CAP2: variants seen among roughly 807,000 people sequenced by gnomAD.
CAP2 encodes the protein adenylyl cyclase-associated protein 2.
CAP2 carries 24 observed loss-of-function variants against 57.7 expected under a neutral mutation model. That is an observed-to-expected ratio of 0.42 (90% CI 0.30 to 0.58). CAP2 has a LOEUF of 0.58. Among genes scored for constraint, CAP2 ranks in the 20% least tolerant of loss-of-function variants. CAP2 has a pLI of 0.22. For synonymous variants in CAP2, 194 were observed against 207.2 expected (o/e 0.94, Z 0.55); for missense variants, 501 against 590.3 (o/e 0.85, Z 1.57).
chr6:17,487,073 C>T (rs889974744), intron 4 of CAP2, among the ~76,000 whole-genome samples: 10 of 152,238 alleles, frequency 6.6e-5, no homozygotes, highest in Non-Finnish European at 1.3e-4. Context: ...TTCTTGCTCA[C>T]CTCATTCATT....
intron 11 of CAP2, among the ~76,000 whole-genome samples, chr6:17,550,394 CTTTTTTTTT>C (rs10557884): frequency 1.9e-5 from 1 of 52,012 alleles, no homozygotes; most frequent in African/African-American, 7.8e-5. Context: ...CTACCCCTGC[CTTTTTTTTT>C]TTTTTTTTTT....
chr6:17,461,371 C>T (rs1760716641), intron 3 of CAP2, among the ~76,000 whole-genome samples: 2 of 151,984 alleles, frequency 1.3e-5, no homozygotes, highest in Non-Finnish European at 2.9e-5. Context: ...GGACTACAGG[C>T]ATGCACCACC....
At chr6:17,532,163 CAG>C (rs34992729) in intron 7 of CAP2, among the ~76,000 whole-genome samples, 27,953 of 114,898 alleles carry the variant, frequency 0.24, 3,941 homozygotes, top group African/African-American at 0.41. Flanking sequence ...TTTTTGGAGG[CAG>C]AGTCTCACTC....
intron 7 of CAP2, chr6:17,531,103 C>T (rs914391905): frequency 2.1e-5 from 16 of 761,568 alleles, no homozygotes; most frequent in Non-Finnish European, 2.9e-5. Flanking sequence ...CCATATTTAC[C>T]GAGAGATTGA....
At chr6:17,394,878 G>A (rs975354673) in intron 1 of CAP2, among the ~76,000 whole-genome samples, 3 of 152,282 alleles carry the variant, frequency 2.0e-5, no homozygotes, top group Admixed American at 2.0e-4. Context: ...AACAGTATTT[G>A]GCTCACAGCA....
intron 3 of CAP2, among the ~76,000 whole-genome samples, chr6:17,459,945 C>T (rs6912773): frequency 0.14 from 20,557 of 152,082 alleles, 4,491 homozygotes; most frequent in African/African-American, 0.46. Flanking sequence ...AGAAGAGACA[C>T]TGAAAGATGT....
intron 7 of CAP2, among the ~76,000 whole-genome samples, chr6:17,532,421 G>A (rs1762667486): frequency 2.0e-5 from 3 of 149,806 alleles, no homozygotes; most frequent in African/African-American, 4.8e-5. Flanking sequence ...GATTACAGGC[G>A]TGAGCCACCG....
chr6:17,521,976 G>A (rs1762403046), intron 7 of CAP2, among the ~76,000 whole-genome samples: 1 of 152,084 alleles, frequency 6.6e-6, no homozygotes, highest in South Asian at 2.1e-4. Flanking sequence ...GGGCGTGGTG[G>A]TGCAGACCTG....
intron 3 of CAP2, among the ~76,000 whole-genome samples, chr6:17,447,623 G>A (rs1396296778): frequency 1.3e-5 from 2 of 152,126 alleles, no homozygotes; most frequent in Non-Finnish European, 2.9e-5. Context: ...CCCAGCCTCC[G>A]GCGTAGCTGG....
chr6:17,554,082 G>A (rs1399514520), intron 12 of CAP2, among the ~76,000 whole-genome samples: 1 of 152,120 alleles, frequency 6.6e-6, no homozygotes, highest in Non-Finnish European at 1.5e-5. Context: ...ATTATAGCAT[G>A]GGCTTTGCCT....
At chr6:17,421,157 T>C (rs533760331) in intron 1 of CAP2, among the ~76,000 whole-genome samples, 3 of 152,176 alleles carry the variant, frequency 2.0e-5, no homozygotes, top group Non-Finnish European at 4.4e-5. Flanking sequence ...AAATATCATA[T>C]GTTCCTCACT....
chr6:17,493,077 A>T (rs751504), intron 4 of CAP2, among the ~76,000 whole-genome samples: 44,447 of 152,194 alleles, frequency 0.29, 7,861 homozygotes, highest in Non-Finnish European at 0.39. Flanking sequence ...TCTGTATCAA[A>T]ACAAGATAAA....
At chr6:17,536,251 G>A (rs1327896784) in intron 7 of CAP2, 4 of 456,708 alleles carry the variant, frequency 8.8e-6, no homozygotes, top group South Asian at 3.1e-5. Context: ...GAGAAGAGAC[G>A]GAGGCAAAGA....
intron 7 of CAP2, among the ~76,000 whole-genome samples, chr6:17,526,956 C>CAAAAA (rs1221212193): frequency 3.6e-4 from 29 of 80,052 alleles, no homozygotes; most frequent in South Asian, 5.1e-4. Flanking sequence ...GACTCTGTCT[C>CAAAAA]AAAAAAAAAA....
At chr6:17,556,324 G>A (rs1388037287) in intron 12 of CAP2, 35 bp from the exon 13 acceptor site, 2 of 1,457,958 alleles carry the variant, frequency 1.4e-6, no homozygotes, top group African/African-American at 2.8e-5. Flanking sequence ...CTTTGTTGTA[G>A]TTTAAATAAC....
chr6:17,515,196 CAA>C (rs1369925215), intron 7 of CAP2, among the ~76,000 whole-genome samples: 2 of 98,250 alleles, frequency 2.0e-5, no homozygotes, highest in Admixed American at 1.1e-4. Flanking sequence ...GACTCTGTCT[CAA>C]AAAAAAAAAA....
At chr6:17,440,613 T>G (rs9396773) in intron 3 of CAP2, among the ~76,000 whole-genome samples, 2,439 of 36,772 alleles carry the variant, frequency 0.066, 112 homozygotes, top group African/African-American at 0.21. Context: ...AAACTGTGTG[T>G]GGTGTGTGTG....
intron 4 of CAP2, among the ~76,000 whole-genome samples, chr6:17,479,391 T>G (rs1761231436): frequency 6.6e-6 from 1 of 152,160 alleles, no homozygotes; most frequent in Non-Finnish European, 1.5e-5. Flanking sequence ...GTCCTGATGA[T>G]GCCCTAACCA....
chr6:17,510,406 A>G (rs1762115164), intron 6 of CAP2, among the ~76,000 whole-genome samples: 1 of 152,236 alleles, frequency 6.6e-6, no homozygotes, highest in Non-Finnish European at 1.5e-5. Context: ...TAGTCGTTCC[A>G]TGTTGCTTTT....
Sources: allele counts gnomAD v4.1 joint callset (sites outside exome capture counted in the v4.1 genomes callset), GRCh38; gene constraint gnomAD v4.1.1; transcripts MANE v1.5; gene names NCBI Gene and HGNC (gene_info 2026-07-23, HGNC 2026-07-21).